Variants in DPF3 observed in about 807,000 individuals in gnomAD.
DPF3 encodes the protein zinc finger protein DPF3.
A neutral mutation model predicts 56.8 loss-of-function variants in DPF3; 18 were observed. That is an observed-to-expected ratio of 0.32 (90% confidence interval 0.22 to 0.47). The LOEUF is 0.47. Ranked by LOEUF, DPF3 falls within the 20% of genes least tolerant of loss-of-function variation. The pLI, the probability that DPF3 is intolerant of heterozygous loss-of-function variation, is 1.00. For synonymous variants in DPF3, 188 were observed against 180.2 expected, an observed-to-expected ratio of 1.04 and a Z score of -0.35; for missense variants, 403 against 488.8, an observed-to-expected ratio of 0.82 and a Z score of 1.65.
chr14:72,652,872 C>T (rs1885957039), intron 8 of DPF3, among the ~76,000 whole-genome samples: 1 of 151,998 alleles, frequency 6.6e-6, no homozygotes, highest in Non-Finnish European at 1.5e-5. Flanking sequence ...TGTACAAGGC[C>T]CAGGTGCTGT....
chr14:72,832,741 C>G (rs1884112870), intron 1 of DPF3, among the ~76,000 whole-genome samples: 1 of 152,168 alleles, frequency 6.6e-6, no homozygotes, highest in Admixed American at 6.5e-5. Flanking sequence ...AAATCCACAT[C>G]CAACCCACAC....
At position 72,753,365 on chromosome 14, in the gene DPF3, GC is replaced by G; in HGVS notation, c.199del (p.Ala67ProfsTer32). 6.2e-7 allele frequency: 1 copy of G among 1,610,872 alleles called. No individual in the cohort carries two copies. The highest frequency in any genetic ancestry group is 8.5e-7 in the Non-Finnish European group (1 of 1,179,258). On this transcript the variant is annotated frameshift_variant, in exon 3 of 11. Coordinates refer to ENST00000556509, the MANE Select transcript of DPF3 (RefSeq NM_001280542.3). LOFTEE classifies it high-confidence loss of function. Reference protein sequence around the residue: ...MEKRHRGPGLAPGQLYTYPAR... With the variant: ...MEKRHRGPGLXPGQLYTYPAR... Reference sequence around the variant, plus strand: ...AGGGTATGTATACAGCTGGCCCGGGGCAAGGCCTGTGGACAGAGACAATATA... The same window carrying G: ...AGGGTATGTATACAGCTGGCCCGGGGAAGGCCTGTGGACAGAGACAATATA...
intron 3 of DPF3, among the ~76,000 whole-genome samples, chr14:72,741,608 G>C (rs1196028821): frequency 1.3e-5 from 2 of 152,346 alleles, no homozygotes; most frequent in African/African-American, 4.8e-5. Context: ...GAGATGATGA[G>C]AGCTAAGTCA....
intron 1 of DPF3, among the ~76,000 whole-genome samples, chr14:72,824,419 G>A (rs1227511334): frequency 6.6e-6 from 1 of 152,040 alleles, no homozygotes; most frequent in Non-Finnish European, 1.5e-5. Context: ...TCTCCTCCCT[G>A]TTCATGGAAA....
intron 1 of DPF3, among the ~76,000 whole-genome samples, chr14:72,799,639 GTA>G (rs34130015): frequency 4.0e-5 from 6 of 149,966 alleles, no homozygotes; most frequent in Admixed American, 6.7e-5. Context: ...GATCATATAT[GTA>G]TATATATATA....
chr14:72,861,025 A>G (rs980828537), intron 1 of DPF3, among the ~76,000 whole-genome samples: 1 of 95,224 alleles, frequency 1.1e-5, no homozygotes, highest in Admixed American at 1.2e-4. Context: ...TGTTCTCACT[A>G]TACACACACA....
At chr14:72,623,332 A>G (rs914093082) in intron 9 of DPF3, among the ~76,000 whole-genome samples, 4 of 152,256 alleles carry the variant, frequency 2.6e-5, no homozygotes, top group Admixed American at 2.6e-4. Context: ...AAAACAAAAG[A>G]AAAATGAGGC....
intron 8 of DPF3, chr14:72,671,457 C>T (rs777046176): frequency 1.1e-5 from 15 of 1,366,358 alleles, no homozygotes; most frequent in Non-Finnish European, 1.6e-5. Flanking sequence ...ATTTGCACAC[C>T]AAAGGGATTA....
At chr14:72,642,215 C>T (rs1038280802) in intron 8 of DPF3, among the ~76,000 whole-genome samples, 3 of 152,214 alleles carry the variant, frequency 2.0e-5, no homozygotes, top group African/African-American at 7.2e-5. Context: ...CCCAGGTTCC[C>T]AACCCTCAGA....
intron 1 of DPF3, among the ~76,000 whole-genome samples, chr14:72,858,527 AC>A (rs1220678440): frequency 6.6e-6 from 1 of 151,686 alleles, no homozygotes; most frequent in Non-Finnish European, 1.5e-5. Context: ...TGTCTTAGGG[AC>A]CCCTTCAATT....
chr14:72,713,977 G>A (rs2153575635), intron 6 of DPF3, among the ~76,000 whole-genome samples: 1 of 152,374 alleles, frequency 6.6e-6, no homozygotes, highest in South Asian at 2.1e-4. Context: ...GGACAGGAGA[G>A]GAAGAGGGAA....
rs1883883997 is a variant in DPF3, at chr14:72,613,454, A to T, written c.*5843T>A. Among the ~76,000 whole-genome samples, 1 of 152,176 alleles carries T rather than the reference A, an allele frequency of 6.6e-6. No homozygotes were observed. Among genetic ancestry groups the T allele is most frequent in the Non-Finnish European group, 1.5e-5 (1 of 68,016 alleles). On this transcript the variant is annotated 3_prime_UTR_variant, in exon 11 of 11. Transcript: ENST00000556509. Reference sequence around the variant, plus strand: ...CCCTGGGAAATGTCGCCATCAGCAAAATACTCCCTTCTCCTGGTGGAGCCA... The same window carrying T: ...CCCTGGGAAATGTCGCCATCAGCAATATACTCCCTTCTCCTGGTGGAGCCA...
intron 1 of DPF3, among the ~76,000 whole-genome samples, chr14:72,877,534 T>A (rs1031620619): frequency 6.6e-6 from 1 of 152,198 alleles, no homozygotes; most frequent in African/African-American, 2.4e-5. Flanking sequence ...GTCCTCTTCA[T>A]TCAGCAGATT....
At chr14:72,685,028 C>T (rs1887347365) in intron 7 of DPF3, among the ~76,000 whole-genome samples, 1 of 152,226 alleles carries the variant, frequency 6.6e-6, no homozygotes, top group South Asian at 2.1e-4. Context: ...CACTCTGACC[C>T]TACCAGAACC....
chr14:72,749,649 G>C (rs895453766), intron 3 of DPF3, among the ~76,000 whole-genome samples: 26 of 152,192 alleles, frequency 1.7e-4, no homozygotes, highest in African/African-American at 6.0e-4. Context: ...AGGACCCGGT[G>C]GGAGATGACT....
At chr14:72,823,563 C>T (rs1435667264) in intron 1 of DPF3, among the ~76,000 whole-genome samples, 1 of 152,144 alleles carries the variant, frequency 6.6e-6, no homozygotes, top group Non-Finnish European at 1.5e-5. Flanking sequence ...CGGGCTGCAG[C>T]ATTGCGTGGC....
chr14:72,821,230 G>A (rs1883526633), intron 1 of DPF3, among the ~76,000 whole-genome samples: 1 of 152,042 alleles, frequency 6.6e-6, no homozygotes, highest in Non-Finnish European at 1.5e-5. Flanking sequence ...TCTGCAGTGA[G>A]CTGAGGTCAC....
intron 4 of DPF3, among the ~76,000 whole-genome samples, chr14:72,726,084 TG>T (rs1292184779): frequency 6.6e-6 from 1 of 152,048 alleles, no homozygotes; most frequent in Non-Finnish European, 1.5e-5. Flanking sequence ...GACCTGTAGG[TG>T]GGAACACTAG....
intron 4 of DPF3, among the ~76,000 whole-genome samples, chr14:72,724,859 C>T (rs539950278): frequency 1.3e-5 from 2 of 151,978 alleles, no homozygotes; most frequent in African/African-American, 2.4e-5. Context: ...CAGGCACATG[C>T]CACCATGCCT....
Sources: allele counts gnomAD v4.1 joint callset (sites outside exome capture counted in the v4.1 genomes callset), GRCh38; gene constraint gnomAD v4.1.1; transcripts MANE v1.5; gene names NCBI Gene and HGNC (gene_info 2026-07-23, HGNC 2026-07-21).